Variants in NPPC observed in about 807,000 individuals in gnomAD.
The protein encoded by NPPC is natriuretic peptide C, also known as C-type natriuretic peptide.
In NPPC, 4 loss-of-function variants were observed where a neutral mutation model predicts 10.2. That is an observed-to-expected ratio of 0.39 (90% confidence interval 0.19 to 0.90). The LOEUF (loss-of-function observed/expected upper bound fraction) is 0.90, where lower values mean the gene tolerates loss of function less well. Ranked by LOEUF, NPPC falls within the 40% of genes least tolerant of loss-of-function variation. NPPC has a pLI of 0.37. For missense variants in NPPC, 182 were observed against 173.8 expected (o/e 1.05, Z -0.26); for synonymous variants, 83 against 87.3 (o/e 0.95, Z 0.27).
chr2:231,923,236 A>C (rs1447332165), intron 2 of NPPC, among the ~76,000 whole-genome samples: 1 of 152,168 alleles, frequency 6.6e-6, no homozygotes, highest in Non-Finnish European at 1.5e-5. Flanking sequence ...GCTGTCTGTG[A>C]TGTTGCTGGG....
intron 2 of NPPC, 135 bp from the exon 3 acceptor site, chr2:231,922,450 C>A (rs1375340808): frequency 6.6e-6 from 1 of 152,268 alleles, no homozygotes; most frequent in African/African-American, 2.4e-5. Flanking sequence ...TCCGCCACCC[C>A]CCCAACCAGG....
At position 231,922,334 on chromosome 2, in the gene NPPC, A is replaced by G. The variant is rs1378717932; in HGVS notation, c.*21-19T>C. 6.6e-6 allele frequency: 1 copy of G among 152,182 alleles called. No individual in the cohort carries two copies. Among genetic ancestry groups the G allele is most frequent in the African/African-American group, 2.4e-5 (1 of 41,442 alleles). The allele number at this position is 152,182 out of a possible 1,614,324, so 9.4% of individuals were successfully genotyped here. A position where few individuals can be genotyped will look rare whatever the true frequency, so the allele number is the denominator to read the frequency against. ...CCCGATCCTGAAACACAGAGTGAAC[A>G]CGGGACGCTCAGTTCTGGCCCCTTA... On this transcript the variant is annotated intron_variant, in intron 2 of 2. Coordinates refer to ENST00000409852, the MANE Select transcript of NPPC (RefSeq NM_024409.4).
intron 2 of NPPC, among the ~76,000 whole-genome samples, chr2:231,924,677 T>C (rs1691974649): frequency 6.6e-6 from 1 of 152,116 alleles, no homozygotes; most frequent in Admixed American, 6.5e-5. Context: ...CCAGCCCTAG[T>C]GCGGGGTGAG....
In NPPC at chr2:231,925,404, C is replaced by T; in HGVS notation, c.*20+1G>A. ...CTGGGCGTCGGGTGGGCCGTACTCA[C>T]CGCCGCCAGGGGGCGCCGCACTAAC... On this transcript the variant is annotated splice_donor_variant, in intron 2 of 2. Transcript: ENST00000409852. LOFTEE classifies it low-confidence loss of function (3UTR_SPLICE). The T allele has an allele frequency of 6.3e-7, 1 of 1,582,310 alleles. No individual in the cohort carries two copies. Among genetic ancestry groups the T allele is most frequent in the Non-Finnish European group, 8.6e-7 (1 of 1,162,852 alleles).
At chr2:231,924,704 G>A (rs567643944) in intron 2 of NPPC, among the ~76,000 whole-genome samples, 1 of 152,306 alleles carries the variant, frequency 6.6e-6, no homozygotes, top group Non-Finnish European at 1.5e-5. Flanking sequence ...CACCAGAAAC[G>A]GAGCCCAGAG....
At chr2:231,923,220 A>T (rs1284386395) in intron 2 of NPPC, among the ~76,000 whole-genome samples, 1 of 152,186 alleles carries the variant, frequency 6.6e-6, no homozygotes, top group Non-Finnish European at 1.5e-5. Flanking sequence ...GTTTACACAG[A>T]TGACAGCTGT....
Position 231,926,194 on chromosome 2 carries a change from C to T in NPPC, c.56G>A (p.Arg19Gln). Reference protein sequence around the residue: ...CALLLTLLSLRPSEAKPGAPP... With the variant: ...CALLLTLLSLQPSEAKPGAPP... Reference sequence around the variant, plus strand: ...CGCCCCGGGCTTGGCTTCGGAGGGCCGGAGGGAGAGCAGCGTGAGCAGCAG... The same window carrying T: ...CGCCCCGGGCTTGGCTTCGGAGGGCTGGAGGGAGAGCAGCGTGAGCAGCAG... The change falls in exon 1 of 3, where the codon CGG becomes CAG. Residue 19 changes from arginine (R) to glutamine (Q), a missense_variant. Transcript: ENST00000409852. 1 of 1,324,702 alleles carries T rather than the reference C, an allele frequency of 7.5e-7. No individual in the cohort carries two copies. Among genetic ancestry groups the T allele is most frequent in the Non-Finnish European group, 9.7e-7 (1 of 1,035,134 alleles). 82.1% of individuals were successfully genotyped at this position (1,324,702 alleles called of 1,614,324 possible).
intron 2 of NPPC, among the ~76,000 whole-genome samples, chr2:231,923,003 A>C (rs757352030): frequency 3.3e-5 from 5 of 152,200 alleles, no homozygotes; most frequent in African/African-American, 7.2e-5. Context: ...GGTGTCTCAC[A>C]CCAGCCTTGG....
intron 2 of NPPC, among the ~76,000 whole-genome samples, chr2:231,923,562 A>C (rs1216471996): frequency 6.6e-6 from 1 of 152,164 alleles, no homozygotes; most frequent in African/African-American, 2.4e-5. Flanking sequence ...AAAATCCCAA[A>C]TAATAAATCC....
chr2:231,923,112 C>T (rs970249163), intron 2 of NPPC, among the ~76,000 whole-genome samples: 9 of 152,176 alleles, frequency 5.9e-5, no homozygotes, highest in African/African-American at 2.2e-4. Flanking sequence ...CCTTCAGGGG[C>T]GTTCAGTGCC....
rs1297850814 is a variant in NPPC, at chr2:231,926,015, G to A, written c.90+145C>T. ...AAGTGGACCCCCGAATCCGCGCTTC[G>A]AGGGCTCCCCGGCTCTCGCCCACGC... On this transcript the variant is annotated intron_variant, in intron 1 of 2. Coordinates refer to ENST00000409852, the MANE Select transcript of NPPC (RefSeq NM_024409.4). The A allele has an allele frequency of 4.4e-6, 3 of 686,398 alleles. No homozygotes were observed. The East Asian group carries it at 1.0e-4, about 23-fold the overall frequency. The allele number at this position is 686,398 out of a possible 1,614,324, so 42.5% of individuals were successfully genotyped here.
intron 2 of NPPC, among the ~76,000 whole-genome samples, chr2:231,924,643 G>A (rs940592702): frequency 6.6e-6 from 1 of 152,314 alleles, no homozygotes; most frequent in South Asian, 2.1e-4. Flanking sequence ...CACCCGGCAG[G>A]GGGTGGCGGT....
rs767600055 is a variant in NPPC, at chr2:231,926,117, C to T, written c.90+43G>A. The T allele has an allele frequency of 4.0e-6, 5 of 1,246,934 alleles. No homozygotes were observed. In the South Asian group the frequency reaches 1.5e-4, roughly 37 times the overall value. The allele number at this position is 1,246,934 out of a possible 1,614,324, so 77.2% of individuals were successfully genotyped here. The stretch of plus-strand genomic sequence containing the variant: ...GCCGCATTCTCCAAGCCCCCAGCCT[C>T]CCACGCCTCTCCCAGGCTCGGCGTC... On this transcript the variant is annotated intron_variant, in intron 1 of 2. Coordinates refer to ENST00000409852, the MANE Select transcript of NPPC (RefSeq NM_024409.4).
At chr2:231,924,897 C>G (rs1490611643) in intron 2 of NPPC, among the ~76,000 whole-genome samples, 3 of 152,226 alleles carry the variant, frequency 2.0e-5, no homozygotes, top group African/African-American at 7.2e-5. Context: ...CCAGTTTGCC[C>G]ACTGCCTGGG....
chr2:231,925,798 C>A lies in NPPC; in HGVS notation c.91-83G>T, dbSNP rs1286945598. 4.4e-6 allele frequency: 6 copies of A among 1,379,232 alleles called. No homozygotes were observed. The African/African-American group carries it at 7.6e-5, about 18-fold the overall frequency. The allele number at this position is 1,379,232 out of a possible 1,614,324, so 85.4% of individuals were successfully genotyped here. Reference sequence around the variant, plus strand: ...TGATGCTCCAGCCCCACGCGCCCGCCGGCGCGGGGTGTCCCTCCCAAGCCC... The same window carrying A: ...TGATGCTCCAGCCCCACGCGCCCGCAGGCGCGGGGTGTCCCTCCCAAGCCC... On this transcript the variant is annotated intron_variant, in intron 1 of 2. Transcript: ENST00000409852.
chr2:231,925,850 G>T, intron 1 of NPPC, 135 bp from the exon 2 acceptor site: 1 of 1,101,622 alleles, frequency 9.1e-7, no homozygotes, highest in Non-Finnish European at 1.2e-6. Context: ...ATGCCGGCCA[G>T]CTTGGCCCCG....
In NPPC at chr2:231,925,766, G is replaced by T; in HGVS notation, c.91-51C>A. 1.4e-6 allele frequency: 2 copies of T among 1,463,110 alleles called. 1 individual carries two copies. Among genetic ancestry groups the T allele is most frequent in the Non-Finnish European group, 1.8e-6 (2 of 1,111,324 alleles). The allele number at this position is 1,463,110 out of a possible 1,614,324, so 90.6% of individuals were successfully genotyped here. On this transcript the variant is annotated intron_variant, in intron 1 of 2. Transcript: ENST00000409852. Reference sequence around the variant, plus strand: ...GAAGGGACACGCGGCTGCAGCACGGGGGACTCTGATGCTCCAGCCCCACGC... The same window carrying T: ...GAAGGGACACGCGGCTGCAGCACGGTGGACTCTGATGCTCCAGCCCCACGC...
Position 231,925,639 on chromosome 2 carries a change from G to T in NPPC, c.167C>A (p.Ala56Asp). The change falls in exon 2 of 3, where the codon GCT (alanine) becomes GAT (aspartate). Residue 56 changes from alanine (A) to aspartate (D), a missense_variant. Physicochemically the swap from Ala to Asp is moderately radical, Grantham distance 126. Transcript: ENST00000409852. ...AGGGQKKGDK[A>D]PGGGGANLKG... ...GAGATTGGCGCCCCCGCCCCCGGGA[G>T]CCTTGTCGCCCTTCTTCTGACCGCC... The T allele has an allele frequency of 6.2e-7, 1 of 1,606,556 alleles. No homozygotes were observed. Among genetic ancestry groups the T allele is most frequent in the Non-Finnish European group, 8.5e-7 (1 of 1,177,944 alleles).
intron 1 of NPPC, among the ~76,000 whole-genome samples, 161 bp downstream of exon 1, chr2:231,925,999 C>A (rs898030134): frequency 6.6e-6 from 1 of 152,226 alleles, no homozygotes; most frequent in Non-Finnish European, 1.5e-5. Flanking sequence ...GAAGTGGACC[C>A]CCGAATCCGC....
Sources: allele counts gnomAD v4.1 joint callset (sites outside exome capture counted in the v4.1 genomes callset), GRCh38; gene constraint gnomAD v4.1.1; transcripts MANE v1.5; gene names NCBI Gene and HGNC (gene_info 2026-07-23, HGNC 2026-07-21).